Variants in DLG2 observed in about 807,000 individuals in gnomAD.
DLG2 encodes the protein disks large homolog 2.
In DLG2, 45 loss-of-function variants were observed where a neutral mutation model predicts 132.5. The ratio of observed to expected loss-of-function variants is 0.34; its 90% CI spans 0.27 to 0.44. The LOEUF is 0.44. DLG2 is among the 20% of genes least tolerant of loss of function. The pLI is 1.00. For synonymous variants in DLG2, 424 were observed against 419.6 expected (o/e 1.01, Z -0.13); for missense variants, 1,045 against 1,196.9 (o/e 0.87, Z 1.87).
intron 22 of DLG2, among the ~76,000 whole-genome samples, chr11:83,475,655 G>C (rs1438828495): frequency 6.6e-6 from 1 of 151,132 alleles, no homozygotes; most frequent in African/African-American, 2.5e-5. Context: ...GGGTTATTAA[G>C]AGGCCATCAG....
intron 19 of DLG2, among the ~76,000 whole-genome samples, chr11:83,626,496 T>G (rs2062552425): frequency 6.6e-6 from 1 of 152,182 alleles, no homozygotes; most frequent in Non-Finnish European, 1.5e-5. Context: ...AATTTATGAA[T>G]GCCTTAAGTT....
At chr11:84,100,814 A>C (rs2092456152) in intron 9 of DLG2, among the ~76,000 whole-genome samples, 2 of 152,112 alleles carry the variant, frequency 1.3e-5, no homozygotes, top group Admixed American at 1.3e-4. Context: ...TGACACCTAT[A>C]CCACTGCAAA....
At chr11:84,347,281 T>C (rs191008135) in intron 7 of DLG2, among the ~76,000 whole-genome samples, 1 of 152,326 alleles carries the variant, frequency 6.6e-6, no homozygotes, top group East Asian at 1.9e-4. Flanking sequence ...AATATTAACA[T>C]ATGTAATACA....
chr11:84,735,751 C>T (rs1266678233), intron 6 of DLG2, among the ~76,000 whole-genome samples: 1 of 152,022 alleles, frequency 6.6e-6, no homozygotes, highest in Non-Finnish European at 1.5e-5. Flanking sequence ...TGAGATCTTT[C>T]CTGCTTTCTC....
At chr11:85,105,157 T>C (rs1387530147) in intron 6 of DLG2, among the ~76,000 whole-genome samples, 1 of 152,062 alleles carries the variant, frequency 6.6e-6, no homozygotes, top group South Asian at 2.1e-4. Context: ...TACATGTCTA[T>C]GTGTTTTCTG....
intron 18 of DLG2, among the ~76,000 whole-genome samples, chr11:83,646,389 G>T (rs902678498): frequency 4.0e-5 from 6 of 150,886 alleles, no homozygotes; most frequent in African/African-American, 1.5e-4. Context: ...AAGGAAGGAA[G>T]GGAGGGAGGG....
intron 4 of DLG2, among the ~76,000 whole-genome samples, chr11:85,174,073 A>G (rs936621348): frequency 1.3e-5 from 2 of 152,182 alleles, no homozygotes; most frequent in African/African-American, 4.8e-5. Flanking sequence ...AAGACAGAAA[A>G]TTAACAAAAA....
chr11:84,313,641 A>AAGAAAGAAAGAAAGAAAG, intron 7 of DLG2, among the ~76,000 whole-genome samples: 1 of 129,290 alleles, frequency 7.7e-6, no homozygotes, highest in African/African-American at 3.0e-5. Context: ...GAAAGAGAGA[A>AAGAAAGAAAGAAAGAAAG]AAAGAAAGAA....
intron 16 of DLG2, among the ~76,000 whole-genome samples, chr11:83,837,723 CAAAA>C (rs386374350): frequency 2.2e-5 from 1 of 45,948 alleles, no homozygotes; most frequent in Non-Finnish European, 3.6e-5. Context: ...ACATAGCAAG[CAAAA>C]AAAAAAAAAA....
intron 6 of DLG2, among the ~76,000 whole-genome samples, chr11:84,926,613 G>C (rs1223752401): frequency 6.6e-6 from 1 of 151,790 alleles, no homozygotes; most frequent in East Asian, 1.9e-4. Context: ...GTCTGTGCAT[G>C]TGTGAAATTT....
At chr11:85,466,372 T>G (rs758677401) in intron 3 of DLG2, among the ~76,000 whole-genome samples, 1 of 152,194 alleles carries the variant, frequency 6.6e-6, no homozygotes, top group African/African-American at 2.4e-5. Context: ...GTTTTAGACA[T>G]GAAGTCCTTG....
intron 16 of DLG2, among the ~76,000 whole-genome samples, chr11:83,841,214 C>T (rs903742192): frequency 6.6e-6 from 1 of 152,212 alleles, no homozygotes; most frequent in Admixed American, 6.5e-5. Context: ...AGTGTTCAGT[C>T]AACATCTGAT....
At chr11:83,675,373 T>A (rs1164647436) in intron 18 of DLG2, among the ~76,000 whole-genome samples, 1 of 152,238 alleles carries the variant, frequency 6.6e-6, no homozygotes, top group African/African-American at 2.4e-5. Context: ...AATATATTCT[T>A]ATTTGTCTTA....
chr11:84,892,683 T>G (rs1184953581), intron 6 of DLG2, among the ~76,000 whole-genome samples: 1 of 152,146 alleles, frequency 6.6e-6, no homozygotes, highest in Non-Finnish European at 1.5e-5. Flanking sequence ...TTAAGGGTGC[T>G]GTTGGCCCTT....
At chr11:85,525,998 C>G (rs997862257) in intron 3 of DLG2, among the ~76,000 whole-genome samples, 29 of 152,170 alleles carry the variant, frequency 1.9e-4, no homozygotes, top group Admixed American at 1.8e-3. Flanking sequence ...TTAGAGAAAA[C>G]AGTACTTAAG....
intron 7 of DLG2, among the ~76,000 whole-genome samples, chr11:84,477,583 A>G (rs2099125207): frequency 6.6e-6 from 1 of 152,178 alleles, no homozygotes; most frequent in Non-Finnish European, 1.5e-5. Flanking sequence ...CCCTGCAAAT[A>G]ACTCAGAGTA....
At chr11:84,890,384 C>G (rs536357684) in intron 6 of DLG2, among the ~76,000 whole-genome samples, 1 of 152,250 alleles carries the variant, frequency 6.6e-6, no homozygotes, top group African/African-American at 2.4e-5. Flanking sequence ...CTCCAGAATA[C>G]TGCATTTTGG....
At chr11:84,011,075 T>TATAAAAA (rs1261029944) in intron 11 of DLG2, among the ~76,000 whole-genome samples, 1 of 150,336 alleles carries the variant, frequency 6.7e-6, no homozygotes, top group Non-Finnish European at 1.5e-5. Flanking sequence ...TTTTGGCCAC[T>TATAAAAA]ATAAAAAATA....
intron 6 of DLG2, among the ~76,000 whole-genome samples, chr11:84,579,787 G>C (rs1310174404): frequency 6.6e-6 from 1 of 152,174 alleles, no homozygotes; most frequent in Non-Finnish European, 1.5e-5. Flanking sequence ...ATTCCTATAA[G>C]AATAATTTAG....
Sources: allele counts gnomAD v4.1 joint callset (sites outside exome capture counted in the v4.1 genomes callset), GRCh38; gene constraint gnomAD v4.1.1; transcripts MANE v1.5; gene names NCBI Gene and HGNC (gene_info 2026-07-23, HGNC 2026-07-21).